The following CHRM2 variants were observed in gnomAD, a reference collection of about 807,000 sequenced individuals.
The protein encoded by CHRM2 is cholinergic receptor muscarinic 2.
A neutral mutation model predicts 25.0 loss-of-function variants in CHRM2; 8 were observed. The ratio of observed to expected loss-of-function variants is 0.32; its 90% confidence interval spans 0.19 to 0.58. The LOEUF (loss-of-function observed/expected upper bound fraction) is 0.58, where lower values mean the gene tolerates loss of function less well. Among genes scored for constraint, CHRM2 ranks in the 20% least tolerant of loss-of-function variants. The pLI is 0.88. For missense variants in CHRM2, 440 were observed against 567.1 expected, an observed-to-expected ratio of 0.78 and a Z score of 2.28; for synonymous variants, 202 against 205.7, an observed-to-expected ratio of 0.98 and a Z score of 0.15.
intron 2 of CHRM2, among the ~76,000 whole-genome samples, chr7:136,923,242 T>C (rs533253549): frequency 6.7e-6 from 1 of 149,292 alleles, no homozygotes; most frequent in East Asian, 1.9e-4. Flanking sequence ...TAAAAAAAAA[T>C]ACAACTGATA....
chr7:137,007,176 C>T (rs983163794), intron 3 of CHRM2, among the ~76,000 whole-genome samples: 21 of 152,094 alleles, frequency 1.4e-4, no homozygotes, highest in African/African-American at 4.6e-4. Context: ...CCACATCTGA[C>T]CAGCCTTGCT....
intron 2 of CHRM2, among the ~76,000 whole-genome samples, chr7:136,965,941 C>T (rs1801388935): frequency 6.6e-6 from 1 of 151,932 alleles, no homozygotes; most frequent in Non-Finnish European, 1.5e-5. Flanking sequence ...AACCTTAAGC[C>T]TTTATTTGAA....
intron 3 of CHRM2, among the ~76,000 whole-genome samples, chr7:136,992,751 A>G (rs1287786628): frequency 6.6e-6 from 1 of 152,156 alleles, no homozygotes; most frequent in African/African-American, 2.4e-5. Context: ...CTTTCTCTCT[A>G]TCTAAAGAGA....
intron 2 of CHRM2, among the ~76,000 whole-genome samples, chr7:136,937,619 C>T (rs1355918301): frequency 1.3e-5 from 2 of 152,184 alleles, no homozygotes; most frequent in Non-Finnish European, 2.9e-5. Context: ...GTCACATCTA[C>T]TGGTGTTAAA....
Position 137,016,384 on chromosome 7 carries a change from T to C in CHRM2, c.*118T>C. 2 of 1,125,710 alleles carry C rather than the reference T, an allele frequency of 1.8e-6. No individual in the cohort carries two copies. Among genetic ancestry groups the C allele is most frequent in the Non-Finnish European group, 2.6e-6 (2 of 764,484 alleles). 69.7% of individuals were successfully genotyped at this position (1,125,710 alleles called of 1,614,324 possible). ...CACTTTATAGTCTGATTACAAAACGTGCAATTCAGGAGCCCAGCAGTGACA... is the reference window on the plus strand; with the variant it reads ...CACTTTATAGTCTGATTACAAAACGCGCAATTCAGGAGCCCAGCAGTGACA... On this transcript the variant is annotated 3_prime_UTR_variant, in exon 4 of 4. Coordinates refer to ENST00000680005, the MANE Select transcript of CHRM2 (RefSeq NM_001006630.2).
chr7:136,987,692 C>T (rs1005149193), intron 2 of CHRM2, among the ~76,000 whole-genome samples: 1 of 152,158 alleles, frequency 6.6e-6, no homozygotes, highest in Non-Finnish European at 1.5e-5. Flanking sequence ...GGCAAGGATG[C>T]GTCAGTCGGA....
chr7:136,900,699 C>T (rs1797151306), intron 2 of CHRM2, among the ~76,000 whole-genome samples: 1 of 152,022 alleles, frequency 6.6e-6, no homozygotes, highest in Non-Finnish European at 1.5e-5. Flanking sequence ...TTGCCAACTG[C>T]TAAACAATCT....
intron 2 of CHRM2, among the ~76,000 whole-genome samples, chr7:136,920,054 ATATGGTGACATTTCAATC>A (rs1798342437): frequency 6.6e-6 from 1 of 152,064 alleles, no homozygotes; most frequent in East Asian, 1.9e-4. Flanking sequence ...GGATGCAGAA[ATATGGTGACATTTCAATC>A]TTATATGGTG....
At chr7:136,967,080 G>A (rs1801465851) in intron 2 of CHRM2, among the ~76,000 whole-genome samples, 1 of 151,892 alleles carries the variant, frequency 6.6e-6, no homozygotes, top group Non-Finnish European at 1.5e-5. Context: ...ACCTCATCAA[G>A]CTCTCCAAAC....
chr7:136,944,664 C>A (rs567250675), intron 2 of CHRM2, among the ~76,000 whole-genome samples: 2 of 152,164 alleles, frequency 1.3e-5, no homozygotes, highest in South Asian at 4.1e-4. Context: ...CATAAAATGA[C>A]TTTTTCCCTC....
chr7:136,969,742 T>C (rs1473056018), intron 2 of CHRM2, among the ~76,000 whole-genome samples: 1 of 152,174 alleles, frequency 6.6e-6, no homozygotes, highest in African/African-American at 2.4e-5. Flanking sequence ...GGCATATTAG[T>C]CTGCCAAAAA....
intron 2 of CHRM2, among the ~76,000 whole-genome samples, chr7:136,921,733 A>AATTGAT (rs1798445840): frequency 6.6e-6 from 1 of 151,280 alleles, no homozygotes; most frequent in Non-Finnish European, 1.5e-5. Context: ...TTTGCCCCCA[A>AATTGAT]ATTGATGCTG....
At chr7:136,948,228 G>T (rs1800185504) in intron 2 of CHRM2, among the ~76,000 whole-genome samples, 1 of 152,086 alleles carries the variant, frequency 6.6e-6, no homozygotes, top group Non-Finnish European at 1.5e-5. Context: ...AGAAAATGCA[G>T]TTAAGAGAAA....
In CHRM2 at chr7:137,015,774, G is replaced by A; in HGVS notation, c.909G>A (p.Gln303=). The change falls in exon 4 of 4, where the codon CAG becomes CAA. Residue 303 remains glutamine, a synonymous_variant. Transcript: ENST00000680005. This position sits in a 1 kb window ranked among gnomAD's most constrained non-coding sequence, Gnocchi z 5.1. ...ASNMRDDEIT[Q]DENTVSTSLG... is the part of the protein sequence containing the mutation. ...ATATGAGAGATGATGAAATAACCCA[G>A]GATGAAAACACAGTTTCCACTTCCC... 1 of 1,613,134 alleles carries A rather than the reference G, an allele frequency of 6.2e-7. No individual in the cohort carries two copies. Among genetic ancestry groups the A allele is most frequent in the African/African-American group, 1.3e-5 (1 of 74,896 alleles).
chr7:136,892,368 T>G (rs1008883888), intron 2 of CHRM2, among the ~76,000 whole-genome samples: 1 of 152,208 alleles, frequency 6.6e-6, no homozygotes, highest in Non-Finnish European at 1.5e-5. Context: ...GAGATTGCAT[T>G]GGTCCCAAGT....
At chr7:136,885,985 C>T (rs1796447964) in intron 2 of CHRM2, among the ~76,000 whole-genome samples, 1 of 150,850 alleles carries the variant, frequency 6.6e-6, no homozygotes, top group Non-Finnish European at 1.5e-5. Flanking sequence ...AAGGCTGAAA[C>T]ATAGATTAGG....
chr7:136,875,277 C>T (rs913801080), intron 2 of CHRM2, among the ~76,000 whole-genome samples: 40 of 151,630 alleles, frequency 2.6e-4, no homozygotes, highest in Admixed American at 9.2e-4. Context: ...AGGTGAGAAA[C>T]GTAGACGTTT....
At chr7:136,999,587 C>T (rs1170993036) in intron 3 of CHRM2, among the ~76,000 whole-genome samples, 1 of 151,694 alleles carries the variant, frequency 6.6e-6, no homozygotes, top group Non-Finnish European at 1.5e-5. Context: ...ATGATGTTCC[C>T]CTTCCTGTGT....
At chr7:136,892,671 CTT>C (rs5887814) in intron 2 of CHRM2, among the ~76,000 whole-genome samples, 78 of 140,128 alleles carry the variant, frequency 5.6e-4, no homozygotes, top group Middle Eastern at 3.7e-3. Flanking sequence ...ATTAAAAGTT[CTT>C]TTTTTTTTTT....
Sources: gnomAD v4.1 joint callset for allele counts (sites outside exome capture counted in the v4.1 genomes callset) on GRCh38, gnomAD v4.1.1 for gene constraint, Gnocchi (gnomAD v3.1) non-coding constraint, MANE v1.5 for transcripts, NCBI Gene and HGNC (gene_info 2026-07-23, HGNC 2026-07-21) for gene names.